MYO18B: variants seen among roughly 807,000 people sequenced by gnomAD.
The protein encoded by MYO18B is myosin XVIIIB.
A neutral mutation model predicts 273.0 loss-of-function variants in MYO18B; 204 were observed. The ratio of observed to expected loss-of-function variants is 0.75; its 90% CI spans 0.67 to 0.84. The LOEUF is 0.84. Among genes scored for constraint, MYO18B ranks in the 40% least tolerant of loss-of-function variants. MYO18B has a pLI of 0.00. For missense variants in MYO18B, 3,212 were observed against 3,287.6 expected (o/e 0.98, Z 0.56); for synonymous variants, 1,330 against 1,305.7 (o/e 1.02, Z -0.40).
intron 13 of MYO18B, among the ~76,000 whole-genome samples, chr22:25,825,527 T>C (rs2089460194): frequency 6.6e-6 from 1 of 152,202 alleles, no homozygotes; most frequent in South Asian, 2.1e-4. Flanking sequence ...ATGGGATGCA[T>C]ATACATGCGT....
chr22:25,966,913 G>A (rs528202912), intron 39 of MYO18B, among the ~76,000 whole-genome samples: 6 of 152,254 alleles, frequency 3.9e-5, no homozygotes, highest in South Asian at 4.1e-4. Context: ...GTTTCTTTGC[G>A]TCTGGCTCTG....
intron 12 of MYO18B, among the ~76,000 whole-genome samples, chr22:25,804,474 G>C (rs5761220): frequency 0.066 from 10,036 of 152,272 alleles, 580 homozygotes; most frequent in East Asian, 0.21. Flanking sequence ...TGTGACGTGC[G>C]CAAGGGCACA....
intron 23 of MYO18B, 107 bp downstream of exon 23, chr22:25,874,521 A>G (rs1274813324): frequency 2.9e-5 from 40 of 1,365,180 alleles, no homozygotes; most frequent in East Asian, 2.5e-5. Context: ...CAAGGATCCA[A>G]CCTGAGCAGT....
At chr22:26,000,111 G>A (rs1272107544) in intron 40 of MYO18B, among the ~76,000 whole-genome samples, 1 of 152,240 alleles carries the variant, frequency 6.6e-6, no homozygotes, top group Non-Finnish European at 1.5e-5. Flanking sequence ...AGAAAACAAT[G>A]AATGGACACC....
intron 34 of MYO18B, among the ~76,000 whole-genome samples, chr22:25,934,733 T>C (rs531036734): frequency 6.6e-6 from 1 of 152,316 alleles, no homozygotes; most frequent in Non-Finnish European, 1.5e-5. Flanking sequence ...TCTTTTGAGT[T>C]TCTGATAAGC....
chr22:25,890,179 C>A (rs912375724), intron 25 of MYO18B, among the ~76,000 whole-genome samples: 8 of 152,114 alleles, frequency 5.3e-5, no homozygotes, highest in Admixed American at 5.2e-4. Flanking sequence ...GGTAAAAATG[C>A]AATAGGCAAA....
intron 37 of MYO18B, among the ~76,000 whole-genome samples, chr22:25,951,679 C>T (rs1372741620): frequency 6.6e-6 from 1 of 152,222 alleles, no homozygotes; most frequent in Non-Finnish European, 1.5e-5. Context: ...AGAACCCTGG[C>T]ATGCACCTGC....
Position 25,763,257 on chromosome 22 carries a change from A to G in MYO18B, c.66A>G (p.Pro22=), listed in dbSNP as rs1374186565. The change falls in exon 3 of 44, where the codon CCA becomes CCG. Residue 22 remains proline, a synonymous_variant. Coordinates refer to ENST00000335473, the MANE Select transcript of MYO18B (RefSeq NM_032608.7). The part of the protein sequence containing the change: ...QKIREEDKSP[P]PSSPPPLFSV... ...TTCGGGAAGAGGACAAGAGCCCTCC[A>G]CCATCCTCGCCCCCTCCTCTTTTCT... 3 of 1,610,508 alleles carry G rather than the reference A, an allele frequency of 1.9e-6. No individual in the cohort carries two copies. The South Asian group carries it at 3.3e-5, about 18-fold the overall frequency.
chr22:25,992,239 T>G, intron 39 of MYO18B, 124 bp from the exon 40 acceptor site: 1 of 1,214,594 alleles, frequency 8.2e-7, no homozygotes, highest in Non-Finnish European at 1.2e-6. Context: ...CACGGAGAAC[T>G]TACCACTTCA....
At chr22:25,917,258 G>A (rs553293556) in intron 33 of MYO18B, among the ~76,000 whole-genome samples, 13 of 152,184 alleles carry the variant, frequency 8.5e-5, no homozygotes, top group Non-Finnish European at 1.5e-4. Context: ...TTGGTTTTGA[G>A]TTCTTAATCT....
At chr22:26,028,249 G>GAAAAAAAAAAAAAAAAAAAAAAAA (rs753643785) in intron 43 of MYO18B, 1 of 136,808 alleles carries the variant, frequency 7.3e-6, no homozygotes. Flanking sequence ...TCTGTCTCAG[G>GAAAAAAAAAAAAAAAAAAAAAAAA]GAAAAAAAAA....
At chr22:25,767,539 T>C (rs930498289) in intron 3 of MYO18B, among the ~76,000 whole-genome samples, 16 of 152,158 alleles carry the variant, frequency 1.1e-4, no homozygotes, top group African/African-American at 3.9e-4. Flanking sequence ...AGAGAAGAGA[T>C]GGTAGCCCAG....
intron 40 of MYO18B, among the ~76,000 whole-genome samples, chr22:25,993,847 A>G (rs1348233218): frequency 1.3e-5 from 2 of 152,184 alleles, no homozygotes; most frequent in South Asian, 4.1e-4. Context: ...GTCAAGGAAA[A>G]AAACTGGAAG....
the MYO18B span, among the ~76,000 whole-genome samples, chr22:26,046,438 G>T: frequency 6.6e-6 from 1 of 152,296 alleles, no homozygotes; most frequent in South Asian, 2.1e-4. Flanking sequence ...GTCCTCAAGG[G>T]CACCTCCCAA....
chr22:25,898,278 C>G (rs1203849909), intron 28 of MYO18B, 29 bp from the exon 29 acceptor site: 1 of 1,602,086 alleles, frequency 6.2e-7, no homozygotes, highest in Non-Finnish European at 8.5e-7. Context: ...GCCCACAGAG[C>G]CGGGTAATTC....
chr22:25,921,738 GTGTA>G (rs1444120358), intron 34 of MYO18B, among the ~76,000 whole-genome samples: 15 of 140,510 alleles, frequency 1.1e-4, no homozygotes, highest in Non-Finnish European at 1.5e-4. Context: ...GTGTGTGTGT[GTGTA>G]TGTGTATGTG....
the MYO18B span, among the ~76,000 whole-genome samples, chr22:26,041,583 T>G: frequency 3.3e-5 from 5 of 151,978 alleles, no homozygotes; most frequent in Non-Finnish European, 7.4e-5. Context: ...CTAGAGCCAG[T>G]GTAGGCTTTG....
At chr22:25,849,409 T>G (rs1228549347) in intron 20 of MYO18B, among the ~76,000 whole-genome samples, 5 of 152,226 alleles carry the variant, frequency 3.3e-5, no homozygotes, top group Admixed American at 6.5e-5. Context: ...CACACTCACA[T>G]GAGATAGATT....
At chr22:25,977,819 A>C (rs1324217620) in intron 39 of MYO18B, among the ~76,000 whole-genome samples, 1 of 152,234 alleles carries the variant, frequency 6.6e-6, no homozygotes, top group Non-Finnish European at 1.5e-5. Context: ...GTGACTCTTC[A>C]GCTAGTCCTA....
Sources: gnomAD v4.1 joint callset for allele counts (sites outside exome capture counted in the v4.1 genomes callset) on GRCh38, gnomAD v4.1.1 for gene constraint, MANE v1.5 for transcripts, NCBI Gene and HGNC (gene_info 2026-07-23, HGNC 2026-07-21) for gene names.